The following MAGEB10 variants were observed in gnomAD, a reference collection of about 807,000 sequenced individuals.
MAGEB10 encodes the protein MAGE family member B10.
For missense variants in MAGEB10, 190 were observed against 261.9 expected (o/e 0.73, Z 1.89); for synonymous variants, 99 against 101.0 (o/e 0.98, Z 0.12).
chrX:27,813,669 A>G (rs1334060291), intron 1 of MAGEB10, among the ~76,000 whole-genome samples: 1 of 111,915 alleles, frequency 8.9e-6, no homozygotes. Flanking sequence ...TCCTGAGGCA[A>G]GTGGGTTTGG....
rs990501497 is a variant in MAGEB10, at chrX:27,822,195, G to T, written c.889G>T (p.Asp297Tyr). Reference protein sequence around the residue: ...KVLEFLAKVNDTAPSEFSNWY... With the variant: ...KVLEFLAKVNYTAPSEFSNWY... ...TCTTGAGTTTTTGGCCAAGGTAAATGATACAGCTCCCAGTGAATTCTCAAA... is the reference window on the plus strand; with the variant it reads ...TCTTGAGTTTTTGGCCAAGGTAAATTATACAGCTCCCAGTGAATTCTCAAA... Residue 297 changes from aspartate to tyrosine, a missense_variant, in exon 3 of 3, where the codon GAT (aspartate) becomes TAT (tyrosine). Transcript: ENST00000356790. 8.3e-7 allele frequency: 1 copy of T among 1,210,143 alleles called. No individual in the cohort carries two copies. The highest frequency in any genetic ancestry group is 1.7e-5 in the African/African-American group (1 of 57,223).
chrX:27,812,782 G>A (rs1286663958), intron 1 of MAGEB10: 1 of 350,049 alleles, frequency 2.9e-6, no homozygotes, highest in Admixed American at 2.8e-5. Flanking sequence ...ACAGTCCCCA[G>A]TGCCTTCCCA....
chrX:27,813,016 A>G (rs762528143), intron 1 of MAGEB10: 53 of 123,410 alleles, frequency 4.3e-4, no homozygotes, highest in Middle Eastern at 3.4e-3. Context: ...AACATAGTAC[A>G]TAACATGTTC....
At chrX:27,811,626 G>A (rs1040147085) in intron 1 of MAGEB10, among the ~76,000 whole-genome samples, 23 of 112,242 alleles carry the variant, frequency 2.0e-4, no homozygotes, top group African/African-American at 7.5e-4. Context: ...ATCAGTCCCA[G>A]TAAGATGCAG....
chrX:27,813,412 A>C (rs1201625682), intron 1 of MAGEB10, among the ~76,000 whole-genome samples: 1 of 112,335 alleles, frequency 8.9e-6, no homozygotes, highest in East Asian at 2.8e-4. Context: ...GGAACATCAT[A>C]ATAAAACTGA....
chrX:27,808,609 C>T (rs1923592678), intron 1 of MAGEB10, among the ~76,000 whole-genome samples: 1 of 111,379 alleles, frequency 9.0e-6, no homozygotes, highest in Admixed American at 9.4e-5. Flanking sequence ...AACGCCATGC[C>T]GTCCAGCCTC....
intron 1 of MAGEB10, among the ~76,000 whole-genome samples, chrX:27,809,181 G>A (rs1338027895): frequency 9.0e-6 from 1 of 111,478 alleles, no homozygotes; most frequent in Non-Finnish European, 1.9e-5. Flanking sequence ...TGGTGCTTGC[G>A]GGACAGCGCA....
intron 2 of MAGEB10, among the ~76,000 whole-genome samples, chrX:27,820,861 C>T (rs766557180): frequency 1.8e-5 from 2 of 111,435 alleles, no homozygotes; most frequent in South Asian, 7.6e-4. Context: ...GTTTCCCTTT[C>T]AGTTTCTCTA....
intron 1 of MAGEB10, among the ~76,000 whole-genome samples, chrX:27,816,299 G>A (rs1193432608): frequency 1.8e-5 from 2 of 111,823 alleles, no homozygotes; most frequent in Non-Finnish European, 3.8e-5. Context: ...ATGGGTTTCA[G>A]GAATGAGGAT....
rs922547560 is a variant in MAGEB10 at position 27,822,102 on chromosome X, A to T, written c.796A>T (p.Ser266Cys). ...NYLEYQQVPN[S>C]DPPRYQFLWG... ...CCTGGAGTACCAGCAAGTGCCCAAC[A>T]GTGATCCTCCACGCTATCAATTCCT... Residue 266 changes from serine to cysteine, a missense_variant, in exon 3 of 3, where the codon AGT becomes TGT. Coordinates refer to ENST00000356790, the MANE Select transcript of MAGEB10 (RefSeq NM_182506.3). 6 of 1,212,206 alleles carry T rather than the reference A, an allele frequency of 4.9e-6. No individual in the cohort carries two copies. The highest frequency in any genetic ancestry group is 4.3e-5 in the Admixed American group (2 of 46,081).
Position 27,814,201 on chromosome X carries a change from C to T in MAGEB10, c.-198-3353C>T, listed in dbSNP as rs148350802. ...GACCCATCATCTAGGCTCCCTCCCC[C>T]TGCCCCTCACACCCCAACAGGACCC... On this transcript the variant is annotated intron_variant, in intron 1 of 2. Coordinates refer to ENST00000356790, the MANE Select transcript of MAGEB10 (RefSeq NM_182506.3). Among the ~76,000 whole-genome samples, 164 of 111,682 alleles carry T rather than the reference C, an allele frequency of 1.5e-3. 1 individual carries two copies. Among genetic ancestry groups the T allele is most frequent in the East Asian group, 7.6e-3 (27 of 3,554 alleles).
intron 1 of MAGEB10, among the ~76,000 whole-genome samples, chrX:27,815,729 C>A (rs1188516944): frequency 8.9e-6 from 1 of 111,959 alleles, no homozygotes; most frequent in Non-Finnish European, 1.9e-5. Flanking sequence ...TAGTAGATTT[C>A]TATGCTGACA....
intron 1 of MAGEB10, among the ~76,000 whole-genome samples, chrX:27,808,940 AG>A (rs926880716): frequency 8.9e-6 from 1 of 112,471 alleles, no homozygotes; most frequent in African/African-American, 3.2e-5. Flanking sequence ...CTCGGGCAGC[AG>A]GGGAAGGAGT....
chrX:27,818,668 G>T (rs1463303645), intron 2 of MAGEB10, among the ~76,000 whole-genome samples: 2 of 111,843 alleles, frequency 1.8e-5, no homozygotes, highest in African/African-American at 6.5e-5. Flanking sequence ...ACCAAACACT[G>T]TAGTAGGGTG....
In MAGEB10 at chrX:27,821,384, AGAT is replaced by A; in HGVS notation, c.80_82del (p.Asp27del). ...CCCGAGGAGGGCTGGAAGATTTGAT[AGAT>A]GCTCTGGACATTTTAGAAGAGGAGG... On this transcript the variant is annotated inframe_deletion, in exon 3 of 3. Coordinates refer to ENST00000356790, the MANE Select transcript of MAGEB10 (RefSeq NM_182506.3). 8.3e-7 allele frequency: 1 copy of A among 1,211,654 alleles called. No individual in the cohort carries two copies. The highest frequency in any genetic ancestry group is 1.1e-6 in the Non-Finnish European group (1 of 895,402).
At chrX:27,814,480 G>T (rs761989574) in intron 1 of MAGEB10, among the ~76,000 whole-genome samples, 2 of 111,855 alleles carry the variant, frequency 1.8e-5, no homozygotes, top group Admixed American at 1.9e-4. Context: ...AAATAACTGA[G>T]TTTTACTTGC....
At chrX:27,814,314 G>A (rs1294423578) in intron 1 of MAGEB10, among the ~76,000 whole-genome samples, 1 of 110,970 alleles carries the variant, frequency 9.0e-6, no homozygotes, top group East Asian at 2.8e-4. Context: ...TTTTTGATGC[G>A]AGTGAAAGAA....
At chrX:27,809,765 G>C (rs1424516362) in intron 1 of MAGEB10, among the ~76,000 whole-genome samples, 1 of 98,888 alleles carries the variant, frequency 1.0e-5, no homozygotes, top group African/African-American at 3.7e-5. Context: ...TGACTGGTGG[G>C]GACTTGGAGA....
At chrX:27,821,192 T>C in intron 2 of MAGEB10, 66 bp from the exon 3 acceptor site, 1 of 631,261 alleles carries the variant, frequency 1.6e-6, no homozygotes, top group South Asian at 3.0e-5. Context: ...GAGGTGGCCG[T>C]CAATAAAGCT....
Sources: allele counts gnomAD v4.1 joint callset (sites outside exome capture counted in the v4.1 genomes callset), GRCh38; gene constraint gnomAD v4.1.1; transcripts MANE v1.5; gene names NCBI Gene and HGNC (gene_info 2026-07-23, HGNC 2026-07-21).